The following KLHL24 variants were observed in gnomAD, a reference collection of about 807,000 sequenced individuals.
KLHL24 encodes kelch-like protein 24.
In KLHL24, 29 loss-of-function variants were observed where a neutral mutation model predicts 53.4. That is an observed-to-expected ratio of 0.54 (90% CI 0.40 to 0.74). KLHL24 has a LOEUF of 0.74. Among genes scored for constraint, KLHL24 ranks in the 30% least tolerant of loss-of-function variants. KLHL24 has a pLI of 0.00. For synonymous variants in KLHL24, 222 were observed against 253.7 expected (o/e 0.88, Z 1.19); for missense variants, 504 against 744.0 (o/e 0.68, Z 3.75).
rs374219067 is a variant in KLHL24, at chr3:183,651,390, TA to T, written c.920+116del. On this transcript the variant is annotated intron_variant, in intron 3 of 7. Coordinates refer to ENST00000242810, the MANE Select transcript of KLHL24 (RefSeq NM_017644.3). Reference sequence around the variant, plus strand: ...TGCACTGTCTACCTGTGGCTGTATATAATTTTAGATTTATTTTGGATTATAT... The same window carrying T: ...TGCACTGTCTACCTGTGGCTGTATATATTTTAGATTTATTTTGGATTATAT... The T allele has an allele frequency of 9.3e-4, 644 of 694,438 alleles. 5 individuals carry two copies. In the East Asian group the frequency reaches 0.016, roughly 18 times the overall value. The allele number at this position is 694,438 out of a possible 1,614,324, so 43.0% of individuals were successfully genotyped here.
rs1720017934 is a variant in KLHL24, at chr3:183,663,002, G to A, written c.921-456G>A. On this transcript the variant is annotated intron_variant, in intron 3 of 7. Coordinates refer to ENST00000242810, the MANE Select transcript of KLHL24 (RefSeq NM_017644.3). The surrounding 1 kb of genome is among the most constrained non-coding windows in gnomAD (Gnocchi z 4.9). ...GTACATATACATATTCCTTTAAAGG[G>A]TGCTTGGATTATACTATGAATTAGT... is the stretch of plus-strand genomic sequence containing the variant. 6.6e-6 allele frequency among the ~76,000 whole-genome samples: 1 copy of A among 152,014 alleles called. No individual in the cohort carries two copies. The highest frequency in any genetic ancestry group is 2.1e-4 in the South Asian group (1 of 4,822).
intron 1 of KLHL24, among the ~76,000 whole-genome samples, chr3:183,637,415 C>A (rs1422172312): frequency 3.9e-5 from 6 of 152,216 alleles, no homozygotes; most frequent in African/African-American, 1.4e-4. Context: ...CTAGGTCACA[C>A]ACTTCTATGT....
chr3:183,651,558 C>T (rs1347541091), intron 3 of KLHL24, among the ~76,000 whole-genome samples: 4 of 152,134 alleles, frequency 2.6e-5, no homozygotes. Flanking sequence ...TTCTCTTAAC[C>T]TTTGTAGGGC....
At chr3:183,647,879 G>A (rs1271372598) in intron 2 of KLHL24, among the ~76,000 whole-genome samples, 6 of 152,054 alleles carry the variant, frequency 3.9e-5, no homozygotes, top group East Asian at 1.9e-4. Context: ...GGTGGCATGC[G>A]CCTGTAATCC....
At chr3:183,662,190 C>G (rs1719896695) in intron 3 of KLHL24, among the ~76,000 whole-genome samples, 1 of 152,076 alleles carries the variant, frequency 6.6e-6, no homozygotes, top group Non-Finnish European at 1.5e-5. Flanking sequence ...ATTCTTTTCT[C>G]CCATATTTAT....
At position 183,679,511 on chromosome 3, in the gene KLHL24, TG is replaced by T; in HGVS notation, c.*227del. 2.0e-6 allele frequency: 1 copy of T among 501,186 alleles called. No individual in the cohort carries two copies. The highest frequency in any genetic ancestry group is 2.4e-5 in the South Asian group (1 of 40,972). 31.0% of individuals were successfully genotyped at this position (501,186 alleles called of 1,614,324 possible). On this transcript the variant is annotated 3_prime_UTR_variant, in exon 8 of 8. Coordinates refer to ENST00000242810, the MANE Select transcript of KLHL24 (RefSeq NM_017644.3). ...GTTAAAGGTAATGGTGGTTGTTACT[TG>T]GCCTTTGAAGAGTGTACCTTTGTAA...
chr3:183,641,217 G>A (rs936655319), intron 1 of KLHL24, among the ~76,000 whole-genome samples: 5 of 152,046 alleles, frequency 3.3e-5, no homozygotes, highest in Non-Finnish European at 7.4e-5. Context: ...TGTACTGGCC[G>A]GGCACAGTGG....
chr3:183,673,077 C>A (rs761169633), intron 7 of KLHL24: 2 of 151,754 alleles, frequency 1.3e-5, no homozygotes, highest in Non-Finnish European at 2.9e-5. Flanking sequence ...TGGTGGCACA[C>A]GCCTGTAATC....
rs569011617 is a variant in KLHL24, at chr3:183,668,046, G to A, written c.1225-2988G>A. On this transcript the variant is annotated intron_variant, in intron 5 of 7. Transcript: ENST00000242810. ...AGTTTAAAAGCTGTTAATTCCTAAC[G>A]ACCTGGATCTAGTGTGCTGCTGCTG... Among the ~76,000 whole-genome samples the A allele has an allele frequency of 2.8e-4, 42 of 149,104 alleles. No homozygotes were observed. The South Asian group carries it at 7.4e-3, about 26-fold the overall frequency.
intron 5 of KLHL24, among the ~76,000 whole-genome samples, chr3:183,668,725 T>TGAAA (rs1720916956): frequency 6.6e-6 from 1 of 152,014 alleles, no homozygotes; most frequent in Non-Finnish European, 1.5e-5. Context: ...GCCAACATGG[T>TGAAA]GAAACCCTGT....
Position 183,674,280 on chromosome 3 carries a change from TTTC to T in KLHL24, c.1602+1799_1602+1801del, listed in dbSNP as rs1721802890. Among the ~76,000 whole-genome samples the T allele has an allele frequency of 4.0e-5, 6 of 151,194 alleles. No individual in the cohort carries two copies. The South Asian group carries it at 6.3e-4, about 16-fold the overall frequency. On this transcript the variant is annotated intron_variant, in intron 7 of 7. Transcript: ENST00000242810. ...CTTTCTTTCTTTCTTTCTTTCTTTC[TTTC>T]TTTCTTTCTTTCTTTCTTTCCTTTC...
chr3:183,651,097 G>A lies in KLHL24; in HGVS notation c.741G>A (p.Leu247=), dbSNP rs747177943. 6.2e-7 allele frequency: 1 copy of A among 1,614,062 alleles called. No homozygotes were observed. Among genetic ancestry groups the A allele is most frequent in the Non-Finnish European group, 8.5e-7 (1 of 1,180,028 alleles). The change falls in exon 3 of 8, where the codon CTG becomes CTA. Residue 247 remains leucine, a synonymous_variant. Coordinates refer to ENST00000242810, the MANE Select transcript of KLHL24 (RefSeq NM_017644.3). The part of the protein sequence containing the change: ...VYRAVDLRRP[L]LHELLTHVRL... ...GTGCCGTTGATCTGAGAAGACCACT[G>A]TTACACGAGCTCCTGACACATGTGA...
rs1293497474 is a variant in KLHL24 at position 183,672,537 on chromosome 3, C to T, written c.1602+53C>T. ...AAATAAATCTAAGAGGGACCAAGTA[C>T]ATAATCATTATTAATACACTGGAAT... On this transcript the variant is annotated intron_variant, in intron 7 of 7. Coordinates refer to ENST00000242810, the MANE Select transcript of KLHL24 (RefSeq NM_017644.3). 4 of 1,268,086 alleles carry T rather than the reference C, an allele frequency of 3.2e-6. No individual in the cohort carries two copies. The African/African-American group carries it at 4.5e-5, about 14-fold the overall frequency. The allele number at this position is 1,268,086 out of a possible 1,614,324, so 78.6% of individuals were successfully genotyped here. A position where few individuals can be genotyped will look rare whatever the true frequency, so the allele number is the denominator to read the frequency against.
Position 183,679,500 on chromosome 3 carries a change from T to C in KLHL24, c.*214T>C, listed in dbSNP as rs1712464460. On this transcript the variant is annotated 3_prime_UTR_variant, in exon 8 of 8. Coordinates refer to ENST00000242810, the MANE Select transcript of KLHL24 (RefSeq NM_017644.3). ...AAAACTTTTTTGTTAAAGGTAATGG[T>C]GGTTGTTACTTGGCCTTTGAAGAGT... The C allele has an allele frequency of 3.9e-6, 2 of 517,188 alleles. No individual in the cohort carries two copies. The highest frequency in any genetic ancestry group is 2.4e-5 in the South Asian group (1 of 41,700). The allele number at this position is 517,188 out of a possible 1,614,324, so 32.0% of individuals were successfully genotyped here. A position where few individuals can be genotyped will look rare whatever the true frequency, so the allele number is the denominator to read the frequency against.
At chr3:183,666,894 A>G (rs1211659472) in intron 5 of KLHL24, among the ~76,000 whole-genome samples, 2 of 152,040 alleles carry the variant, frequency 1.3e-5, no homozygotes, top group South Asian at 2.1e-4. Context: ...AACCACCTCA[A>G]ATTAATGAAC....
intron 7 of KLHL24, 105 bp from the exon 8 acceptor site, chr3:183,678,981 C>A: frequency 1.2e-6 from 1 of 850,114 alleles, no homozygotes; most frequent in Non-Finnish European, 1.9e-6. Flanking sequence ...TTTATCATGT[C>A]TCCCTTTTTT....
chr3:183,644,223 C>T (rs9857607), intron 2 of KLHL24: 50,423 of 151,016 alleles, frequency 0.33, 9,216 homozygotes, highest in African/African-American at 0.49. Flanking sequence ...TCCACAACCA[C>T]GCCCAGCTAA....
At chr3:183,660,258 G>T (rs556607965) in intron 3 of KLHL24, among the ~76,000 whole-genome samples, 1 of 151,470 alleles carries the variant, frequency 6.6e-6, no homozygotes, top group African/African-American at 2.4e-5. Context: ...TCAGCCTCCT[G>T]AGTAGCTGGG....
At chr3:183,676,631 A>G (rs1352062452) in intron 7 of KLHL24, among the ~76,000 whole-genome samples, 2 of 152,132 alleles carry the variant, frequency 1.3e-5, no homozygotes, top group African/African-American at 2.4e-5. Flanking sequence ...TTTGTCCTTC[A>G]CCATTTCCAC....
Sources: gnomAD v4.1 joint callset for allele counts (sites outside exome capture counted in the v4.1 genomes callset) on GRCh38, gnomAD v4.1.1 for gene constraint, Gnocchi (gnomAD v3.1) non-coding constraint, MANE v1.5 for transcripts, NCBI Gene and HGNC (gene_info 2026-07-23, HGNC 2026-07-21) for gene names.